The following DEUP1 variants were observed in gnomAD, a reference collection of about 807,000 sequenced individuals.
DEUP1 encodes the protein coiled-coil domain containing 67.
DEUP1 carries 82 observed loss-of-function variants against 87.4 expected under a neutral mutation model. The observed-to-expected ratio is 0.94, with a 90% CI of 0.78 to 1.13. DEUP1 has a LOEUF of 1.13. DEUP1 is among the 50% of genes most tolerant of loss of function. The pLI is 0.00. For missense variants in DEUP1, 663 were observed against 681.5 expected (o/e 0.97, Z 0.30); for synonymous variants, 214 against 222.7 (o/e 0.96, Z 0.35).
chr11:93,366,509 C>G (rs529314569), intron 5 of DEUP1, among the ~76,000 whole-genome samples: 1 of 152,212 alleles, frequency 6.6e-6, no homozygotes, highest in Non-Finnish European at 1.5e-5. Flanking sequence ...CCCTCTGAAG[C>G]CTATCGTGAC....
intron 2 of DEUP1, among the ~76,000 whole-genome samples, chr11:93,348,224 T>A (rs1045496342): frequency 6.6e-6 from 1 of 152,148 alleles, no homozygotes; most frequent in African/African-American, 2.4e-5. Flanking sequence ...TTTATTTGGA[T>A]CTTCTCTCTT....
intron 13 of DEUP1, among the ~76,000 whole-genome samples, chr11:93,431,199 G>A (rs1318493090): frequency 6.6e-6 from 1 of 152,052 alleles, no homozygotes; most frequent in Non-Finnish European, 1.5e-5. Context: ...GAAAGTATGG[G>A]GGATTACTTT....
rs1052340320 is a variant in DEUP1, at chr11:93,438,199, TA to T, written c.*484del. On this transcript the variant is annotated 3_prime_UTR_variant, in exon 14 of 14. Transcript: ENST00000298050. ...AGTATTTCCAGTTATGTAAACACTC[TA>T]AAATTCTATAATTTTTTGGAAAAAA... 6.6e-6 allele frequency: 1 copy of T among 152,312 alleles called. No individual in the cohort carries two copies. Among genetic ancestry groups the T allele is most frequent in the Non-Finnish European group, 1.5e-5 (1 of 68,148 alleles). The allele number at this position is 152,312 out of a possible 1,614,324, so 9.4% of individuals were successfully genotyped here.
At chr11:93,344,215 T>G (rs1460307584) in intron 2 of DEUP1, among the ~76,000 whole-genome samples, 1 of 152,116 alleles carries the variant, frequency 6.6e-6, no homozygotes, top group Non-Finnish European at 1.5e-5. Context: ...GGACTTCTGC[T>G]GGGGGTTCTC....
rs56684150 is a variant in DEUP1, at chr11:93,377,988, G to GT, written c.789+6718dup. Among the ~76,000 whole-genome samples, 832 of 149,906 alleles carry GT rather than the reference G, an allele frequency of 5.6e-3. 2 individuals carry two copies. The highest frequency in any genetic ancestry group is 0.01 in the Middle Eastern group (3 of 292). The stretch of plus-strand genomic sequence containing the variant: ...GAGAAATCTGCTGTTAATCTGATAG[G>GT]TTTTTTTTTTAATAGGTTACCTGAT... On this transcript the variant is annotated intron_variant, in intron 7 of 13. Coordinates refer to ENST00000298050, the MANE Select transcript of DEUP1 (RefSeq NM_181645.4).
intron 13 of DEUP1, among the ~76,000 whole-genome samples, chr11:93,436,135 T>C (rs919734380): frequency 1.3e-5 from 2 of 152,226 alleles, no homozygotes; most frequent in Non-Finnish European, 2.9e-5. Flanking sequence ...CACATAGCAG[T>C]AGACACCTAA....
rs960439504 is a variant in DEUP1, at chr11:93,437,715, T to C, written c.1811T>C (p.Ile604Thr). The C allele has an allele frequency of 3.6e-5, 56 of 1,567,828 alleles. No homozygotes were observed. The highest frequency in any genetic ancestry group is 4.7e-5 in the Non-Finnish European group (54 of 1,143,926). Residue 604 changes from isoleucine (I) to threonine (T), a missense_variant, in exon 14 of 14, where the codon ATA (isoleucine) becomes ACA (threonine). Physicochemically the swap from Ile to Thr is moderately conservative, Grantham distance 89 (BLOSUM62 -1). Transcript: ENST00000298050. ...TCCAAGCTAAAACAAAATAGACACA[T>C]ATGAGCTTTTAAACTTTTTTATTTG... ...KYSKLKQNRH[I>T]
intron 12 of DEUP1, among the ~76,000 whole-genome samples, chr11:93,411,567 TA>T (rs1159249675): frequency 6.6e-6 from 1 of 152,162 alleles, no homozygotes; most frequent in Non-Finnish European, 1.5e-5. Context: ...AGCACTTTCT[TA>T]AAAAATATGA....
chr11:93,366,515 G>A (rs1279212373), intron 5 of DEUP1, among the ~76,000 whole-genome samples: 2 of 152,242 alleles, frequency 1.3e-5, no homozygotes, highest in South Asian at 2.1e-4. Context: ...GAAGCCTATC[G>A]TGACAACTCC....
intron 4 of DEUP1, among the ~76,000 whole-genome samples, chr11:93,358,543 C>G (rs1045273689): frequency 2.6e-5 from 4 of 152,084 alleles, no homozygotes; most frequent in African/African-American, 9.7e-5. Context: ...TCCAATCCAT[C>G]GTGTTCCAAA....
At chr11:93,330,634 C>CGCGGCGGGAGGGCCCAG (rs1169632542), upstream of DEUP1, 1 of 152,748 alleles carries the variant, frequency 6.5e-6, no homozygotes, top group African/African-American at 2.4e-5. Context: ...TCGTTGGTCG[C>CGCGGCGGGAGGGCCCAG]GCGGCGGGAG....
At chr11:93,390,648 T>C (rs112393543) in intron 9 of DEUP1, among the ~76,000 whole-genome samples, 7 of 152,246 alleles carry the variant, frequency 4.6e-5, no homozygotes, top group African/African-American at 1.7e-4. Flanking sequence ...AAACTTTGAG[T>C]AATATAAAGA....
At chr11:93,370,679 C>T (rs372130225) in intron 6 of DEUP1, among the ~76,000 whole-genome samples, 6 of 152,140 alleles carry the variant, frequency 3.9e-5, no homozygotes, top group African/African-American at 1.4e-4. Flanking sequence ...AACTTTTCCC[C>T]TACAATCAAA....
At chr11:93,391,983 T>C (rs1175127687) in intron 9 of DEUP1, among the ~76,000 whole-genome samples, 1 of 152,124 alleles carries the variant, frequency 6.6e-6, no homozygotes, top group Non-Finnish European at 1.5e-5. Context: ...AATGATGAGG[T>C]TCGATCATGT....
chr11:93,428,325 C>T (rs1947995243), intron 13 of DEUP1, among the ~76,000 whole-genome samples: 1 of 151,988 alleles, frequency 6.6e-6, no homozygotes, highest in African/African-American at 2.4e-5. Context: ...AACCATCATT[C>T]TCAGCAAACT....
chr11:93,370,037 AT>A (rs1945637020), intron 5 of DEUP1, 35 bp from the exon 6 acceptor site: 5 of 1,087,396 alleles, frequency 4.6e-6, no homozygotes, highest in African/African-American at 1.6e-5. Flanking sequence ...AATGAATAAC[AT>A]TTTTAAATAT....
intron 2 of DEUP1, among the ~76,000 whole-genome samples, chr11:93,343,369 G>C (rs1226328345): frequency 6.6e-6 from 1 of 152,156 alleles, no homozygotes; most frequent in Non-Finnish European, 1.5e-5. Flanking sequence ...TTGTCCTAGA[G>C]ACTGGCTTAC....
intron 13 of DEUP1, among the ~76,000 whole-genome samples, chr11:93,416,503 C>G (rs1407234409): frequency 6.6e-6 from 1 of 152,000 alleles, no homozygotes; most frequent in Non-Finnish European, 1.5e-5. Flanking sequence ...TCTGAATAGA[C>G]CAATAACAGG....
Position 93,385,413 on chromosome 11 carries a change from C to T in DEUP1, c.805C>T (p.Leu269Phe), listed in dbSNP as rs768435683. The T allele has an allele frequency of 1.6e-5, 25 of 1,612,710 alleles. No homozygotes were observed. The highest frequency in any genetic ancestry group is 1.9e-5 in the Non-Finnish European group (23 of 1,179,604). ...QRQCQAMEAGLSEVKSELQSR... is the reference protein window; with the variant it reads ...QRQCQAMEAGFSEVKSELQSR... ...TTTTATTCAGGCCATGGAAGCAGGT[C>T]TCTCAGAGGTAAAAAGTGAGTTACA... Residue 269 changes from leucine (L) to phenylalanine (F), a missense_variant, in exon 8 of 14, where the codon CTC becomes TTC. Physicochemically the swap from Leu to Phe is conservative, Grantham distance 22 (BLOSUM62 0). Coordinates refer to ENST00000298050, the MANE Select transcript of DEUP1 (RefSeq NM_181645.4).
Sources: gnomAD v4.1 joint callset for allele counts (sites outside exome capture counted in the v4.1 genomes callset) on GRCh38, gnomAD v4.1.1 for gene constraint, MANE v1.5 for transcripts, NCBI Gene and HGNC (gene_info 2026-07-23, HGNC 2026-07-21) for gene names.